The following SORL1 variants were observed in gnomAD, a reference collection of about 807,000 sequenced individuals.
SORL1 encodes the protein sortilin related receptor 1.
SORL1 carries 127 observed loss-of-function variants against 273.7 expected under a neutral mutation model. The ratio of observed to expected loss-of-function variants is 0.46; its 90% CI spans 0.40 to 0.54. The LOEUF is 0.54. Ranked by LOEUF, SORL1 falls within the 20% of genes least tolerant of loss-of-function variation. SORL1 has a pLI of 0.00. For synonymous variants in SORL1, 1,031 were observed against 1,067.4 expected, an observed-to-expected ratio of 0.97 and a Z score of 0.66; for missense variants, 2,494 against 2,846.1, an observed-to-expected ratio of 0.88 and a Z score of 2.81.
intron 8 of SORL1, among the ~76,000 whole-genome samples, chr11:121,518,979 C>G (rs564670263): frequency 2.0e-5 from 3 of 147,338 alleles, no homozygotes; most frequent in African/African-American, 7.5e-5. Context: ...GTTGGAGTCT[C>G]GCTCTGTCAC....
At chr11:121,497,527 GA>G (rs1468048735) in intron 6 of SORL1, among the ~76,000 whole-genome samples, 2 of 152,178 alleles carry the variant, frequency 1.3e-5, no homozygotes, top group African/African-American at 4.8e-5. Context: ...AATGCTCTAA[GA>G]AAAGCAGTAA....
At chr11:121,586,515 A>C (rs1863112803) in intron 27 of SORL1, among the ~76,000 whole-genome samples, 186 bp downstream of exon 27, 1 of 152,128 alleles carries the variant, frequency 6.6e-6, no homozygotes, top group Non-Finnish European at 1.5e-5. Context: ...GGTTTGGTTA[A>C]AGGAGAGCAG....
intron 14 of SORL1, 100 bp from the exon 15 acceptor site, chr11:121,549,855 TTATAA>T: frequency 1.1e-6 from 1 of 930,926 alleles, no homozygotes; most frequent in South Asian, 1.8e-5. Flanking sequence ...GTTAAATAAC[TTATAA>T]TAAAAGTGAA....
chr11:121,585,500 TACAC>T (rs58254356), intron 26 of SORL1, among the ~76,000 whole-genome samples: 3,072 of 137,534 alleles, frequency 0.022, 63 homozygotes, highest in African/African-American at 0.052. Flanking sequence ...AAAATGTATA[TACAC>T]ACACACACAC....
chr11:121,527,562 T>G (rs879611068), intron 11 of SORL1, among the ~76,000 whole-genome samples: 7 of 152,084 alleles, frequency 4.6e-5, no homozygotes, highest in Non-Finnish European at 1.0e-4. Flanking sequence ...CAAAGTTTGG[T>G]GTTATTTTTT....
At chr11:121,573,002 G>T (rs1862869190) in intron 23 of SORL1, among the ~76,000 whole-genome samples, 1 of 152,180 alleles carries the variant, frequency 6.6e-6, no homozygotes, top group Non-Finnish European at 1.5e-5. Flanking sequence ...TCCTGGGTCA[G>T]CCTTTCACTC....
intron 3 of SORL1, among the ~76,000 whole-genome samples, chr11:121,479,083 G>A (rs938692646): frequency 6.6e-6 from 1 of 152,134 alleles, no homozygotes; most frequent in Non-Finnish European, 1.5e-5. Context: ...TACCGATATG[G>A]AAAAGAAAAC....
intron 6 of SORL1, among the ~76,000 whole-genome samples, chr11:121,508,716 A>T (rs557829765): frequency 1.1e-4 from 17 of 152,224 alleles, no homozygotes; most frequent in Non-Finnish European, 2.5e-4. Flanking sequence ...GATTAGGGCA[A>T]ATGAAAACAT....
intron 1 of SORL1, among the ~76,000 whole-genome samples, chr11:121,468,858 G>A (rs1229095398): frequency 1.3e-5 from 2 of 152,226 alleles, no homozygotes; most frequent in Non-Finnish European, 2.9e-5. Context: ...TAAAAGTAAT[G>A]TAGTTTTCCA....
chr11:121,476,928 A>G (rs1417767712), intron 2 of SORL1, among the ~76,000 whole-genome samples: 1 of 151,848 alleles, frequency 6.6e-6, no homozygotes, highest in Non-Finnish European at 1.5e-5. Context: ...ACTAACTGAG[A>G]CTACAGGCTC....
chr11:121,519,130 T>C (rs1861997308), intron 8 of SORL1, among the ~76,000 whole-genome samples: 1 of 151,796 alleles, frequency 6.6e-6, no homozygotes. Flanking sequence ...GTATTATTAA[T>C]AGAGATGGGG....
chr11:121,569,884 C>T (rs939410850), intron 22 of SORL1, among the ~76,000 whole-genome samples: 3 of 152,268 alleles, frequency 2.0e-5, no homozygotes, highest in South Asian at 2.1e-4. Context: ...GGGGGCATCA[C>T]GGAACCTGCC....
In SORL1 at chr11:121,496,908, T is replaced by C. The variant is rs779382329; in HGVS notation, c.798T>C (p.Ile266=). 1.2e-6 allele frequency: 2 copies of C among 1,613,894 alleles called. No individual in the cohort carries two copies. Among genetic ancestry groups the C allele is most frequent in the South Asian group, 2.2e-5 (2 of 91,054 alleles). ...ATGACAAACCAAATACCATCTACAT[T>C]GAACGACATGAACCCTCTGGCTACT... ...DPYDKPNTIY[I]ERHEPSGYST... Residue 266 remains isoleucine, a synonymous_variant, in exon 6 of 48, where the codon ATT becomes ATC. Coordinates refer to ENST00000260197, the MANE Select transcript of SORL1 (RefSeq NM_003105.6).
intron 12 of SORL1, among the ~76,000 whole-genome samples, chr11:121,541,209 T>TTTG (rs1015553724): frequency 5.2e-5 from 7 of 134,974 alleles, no homozygotes; most frequent in Non-Finnish European, 8.6e-5. Flanking sequence ...GTATCTTTTT[T>TTTG]TTTTTTTTTT....
In SORL1 at chr11:121,557,374, C is replaced by T; in HGVS notation, c.2632C>T (p.Pro878Ser). ...CGTCAATTCCTCTGTGCTTGATCGT[C>T]CCAGGGCTCTGGTCCTCGTGCCCCA... ...TIVNSSVLDR[P>S]RALVLVPQEG... Residue 878 changes from proline (P) to serine (S), a missense_variant, in exon 19 of 48, where the codon CCC (proline) becomes TCC (serine). Around this residue, in one of 3 missense-constraint regions of SORL1, gnomAD observed 1,609 missense variants for 1,816.4 expected, o/e 0.89. Coordinates refer to ENST00000260197, the MANE Select transcript of SORL1 (RefSeq NM_003105.6). 6.2e-7 allele frequency: 1 copy of T among 1,614,170 alleles called. No individual in the cohort carries two copies. The highest frequency in any genetic ancestry group is 8.5e-7 in the Non-Finnish European group (1 of 1,180,010).
intron 11 of SORL1, among the ~76,000 whole-genome samples, chr11:121,528,817 A>G (rs1253107796): frequency 1.3e-5 from 2 of 152,210 alleles, no homozygotes; most frequent in Non-Finnish European, 2.9e-5. Context: ...TATCACGTGC[A>G]CTGGGAAGGA....
rs1477484128 is a variant in SORL1 at position 121,627,314 on chromosome 11, AT to A, written c.6365-239del. 2.3e-4 allele frequency: 126 copies of A among 546,778 alleles called. 1 individual carries two copies. In the South Asian group the frequency reaches 2.7e-3, roughly 12 times the overall value. 33.9% of individuals were successfully genotyped at this position (546,778 alleles called of 1,614,324 possible). A position where few individuals can be genotyped will look rare whatever the true frequency, so the allele number is the denominator to read the frequency against. ...TATCTAAATAACCAACAAGGCAGTG[AT>A]TAGGAGTCTAATGTAATTACCATAT... On this transcript the variant is annotated intron_variant, in intron 46 of 47. Coordinates refer to ENST00000260197, the MANE Select transcript of SORL1 (RefSeq NM_003105.6). The surrounding 1 kb of genome is among the most constrained non-coding windows in gnomAD (Gnocchi z 4.9).
intron 24 of SORL1, chr11:121,576,740 G>C (rs373739572): frequency 1.1e-5 from 16 of 1,454,674 alleles, no homozygotes; most frequent in Admixed American, 1.0e-4. Context: ...GCATCCACCC[G>C]TGTCCCTGGA....
chr11:121,579,241 T>C (rs149030337), intron 25 of SORL1, among the ~76,000 whole-genome samples: 1 of 152,370 alleles, frequency 6.6e-6, no homozygotes, highest in East Asian at 1.9e-4. Context: ...TTCCAAGGGC[T>C]GTTCTTCCAA....
Sources: allele counts gnomAD v4.1 joint callset (sites outside exome capture counted in the v4.1 genomes callset), GRCh38; gene constraint gnomAD v4.1.1; regional missense constraint gnomAD v4.1.1; non-coding constraint Gnocchi (gnomAD v3.1); transcripts MANE v1.5; gene names NCBI Gene and HGNC (gene_info 2026-07-23, HGNC 2026-07-21).